DLG2: variants seen among roughly 807,000 people sequenced by gnomAD.
DLG2 encodes disks large homolog 2.
A neutral mutation model predicts 132.5 loss-of-function variants in DLG2; 45 were observed. That is an observed-to-expected ratio of 0.34 (90% CI 0.27 to 0.44). DLG2 has a LOEUF of 0.44. Ranked by LOEUF, DLG2 falls within the 20% of genes least tolerant of loss-of-function variation. The probability of loss-of-function intolerance (pLI) is 1.00; values close to 1 mark genes in which losing one functional copy is unlikely to be tolerated. For missense variants in DLG2, 1,045 were observed against 1,196.9 expected (o/e 0.87, Z 1.87); for synonymous variants, 424 against 419.6 (o/e 1.01, Z -0.13).
At chr11:83,674,325 T>C (rs1410340942) in intron 18 of DLG2, among the ~76,000 whole-genome samples, 5 of 152,194 alleles carry the variant, frequency 3.3e-5, no homozygotes. Flanking sequence ...ATATTAGTGC[T>C]GGCATCTTTG....
At chr11:85,531,017 AT>A (rs556196473) in intron 3 of DLG2, among the ~76,000 whole-genome samples, 204 of 152,346 alleles carry the variant, frequency 1.3e-3, no homozygotes, top group Non-Finnish European at 2.1e-3. Flanking sequence ...ATAAAATAAA[AT>A]TTTAAAATTA....
intron 6 of DLG2, among the ~76,000 whole-genome samples, chr11:84,844,475 A>T (rs1463896016): frequency 6.6e-6 from 1 of 151,766 alleles, no homozygotes. Context: ...ATCTTCAAGT[A>T]CCTGTATTCT....
intron 12 of DLG2, among the ~76,000 whole-genome samples, chr11:83,977,109 A>G (rs2092330367): frequency 6.6e-6 from 1 of 151,996 alleles, no homozygotes; most frequent in South Asian, 2.1e-4. Context: ...TTAATTAGCT[A>G]CATATTTTGA....
In DLG2 at chr11:84,291,337, T is replaced by C. The variant is rs138768722; in HGVS notation, c.520-40046A>G. On this transcript the variant is annotated intron_variant, in intron 7 of 27. Transcript: ENST00000376104. Reference sequence around the variant, plus strand: ...AAAAAAGAATATTGCCAAGTTAGACTAAATGGGCAATGCGCAAATCCTAAC... The same window carrying C: ...AAAAAAGAATATTGCCAAGTTAGACCAAATGGGCAATGCGCAAATCCTAAC... Among the ~76,000 whole-genome samples, 1,062 of 152,266 alleles carry C rather than the reference T, an allele frequency of 7.0e-3. 3 individuals are homozygous for C. Among genetic ancestry groups the C allele is most frequent in the Admixed American group, 0.01 (157 of 15,278 alleles).
intron 7 of DLG2, among the ~76,000 whole-genome samples, chr11:84,375,643 G>A (rs1378424541): frequency 1.3e-5 from 2 of 151,692 alleles, no homozygotes; most frequent in East Asian, 3.9e-4. Context: ...TAACCTAAAG[G>A]TTGCCTTTGG....
chr11:83,815,258 T>C (rs2048525725), intron 17 of DLG2: 1 of 152,338 alleles, frequency 6.6e-6, no homozygotes, highest in Non-Finnish European at 1.5e-5. Context: ...TAAGATCCAT[T>C]GTCTCACACC....
intron 4 of DLG2, among the ~76,000 whole-genome samples, chr11:85,232,725 C>T (rs1483722372): frequency 6.6e-6 from 1 of 151,930 alleles, no homozygotes; most frequent in Non-Finnish European, 1.5e-5. Context: ...CTGTTCTACT[C>T]TAAAGCATAC....
chr11:84,074,387 C>T (rs2096795895), intron 10 of DLG2, among the ~76,000 whole-genome samples: 2 of 152,118 alleles, frequency 1.3e-5, no homozygotes, highest in Non-Finnish European at 2.9e-5. Flanking sequence ...AATATCTATC[C>T]CAGTCCATCA....
chr11:84,813,181 C>CAT (rs2076751855), intron 6 of DLG2, among the ~76,000 whole-genome samples: 1 of 152,036 alleles, frequency 6.6e-6, no homozygotes, highest in African/African-American at 2.4e-5. Context: ...TACATACACA[C>CAT]ACACACACAC....
At chr11:83,681,215 A>T (rs1021576299) in intron 18 of DLG2, among the ~76,000 whole-genome samples, 1 of 152,184 alleles carries the variant, frequency 6.6e-6, no homozygotes, top group African/African-American at 2.4e-5. Context: ...TGAGATTTGG[A>T]CAGAGGCAAA....
At chr11:83,801,063 G>A (rs1391981678) in intron 17 of DLG2, among the ~76,000 whole-genome samples, 3 of 152,114 alleles carry the variant, frequency 2.0e-5, no homozygotes, top group African/African-American at 7.2e-5. Context: ...TTTCTCGAGA[G>A]TTTTCTCATT....
Position 83,518,327 on chromosome 11 carries a change from G to A in DLG2, c.2193+14381C>T, listed in dbSNP as rs1229061495. ...GCGTAGAACCCTCCAAGCCAGGCGCGGGATATAATCTCCTGGTGTGACGTT... is the reference window on the plus strand; with the variant it reads ...GCGTAGAACCCTCCAAGCCAGGCGCAGGATATAATCTCCTGGTGTGACGTT... On this transcript the variant is annotated intron_variant, in intron 21 of 27. Coordinates refer to ENST00000376104, the MANE Select transcript of DLG2 (RefSeq NM_001142699.3). Among the ~76,000 whole-genome samples the A allele has an allele frequency of 1.1e-4, 16 of 152,214 alleles. 1 individual carries two copies. The highest frequency in any genetic ancestry group is 2.1e-4 in the South Asian group (1 of 4,832).
intron 15 of DLG2, among the ~76,000 whole-genome samples, chr11:83,900,220 C>T (rs983632283): frequency 6.6e-6 from 1 of 152,044 alleles, no homozygotes; most frequent in Non-Finnish European, 1.5e-5. Flanking sequence ...ATAAGGGAAG[C>T]AGAGCATAAA....
At chr11:84,317,106 C>G in intron 7 of DLG2, 2 of 1,612,824 alleles carry the variant, frequency 1.2e-6, no homozygotes, top group Non-Finnish European at 1.7e-6. Flanking sequence ...CCATCGGACC[C>G]CCGGCTGCAG....
chr11:85,039,717 C>A (rs2061688968), intron 6 of DLG2, among the ~76,000 whole-genome samples: 1 of 151,744 alleles, frequency 6.6e-6, no homozygotes, highest in Non-Finnish European at 1.5e-5. Context: ...AAAAAAAGTA[C>A]AAATTTGTGG....
At chr11:84,292,928 T>A (rs544162142) in intron 7 of DLG2, among the ~76,000 whole-genome samples, 53 of 151,890 alleles carry the variant, frequency 3.5e-4, no homozygotes, top group African/African-American at 1.3e-3. Flanking sequence ...CAAAAAAAAA[T>A]TGCAAAAAAT....
At chr11:83,489,186 A>C (rs754321079) in intron 21 of DLG2, among the ~76,000 whole-genome samples, 1 of 151,950 alleles carries the variant, frequency 6.6e-6, no homozygotes, top group Admixed American at 6.6e-5. Context: ...CTCCCAAAAC[A>C]AAACTCCCTC....
At chr11:85,575,170 T>C (rs2078078974) in intron 3 of DLG2, among the ~76,000 whole-genome samples, 1 of 151,840 alleles carries the variant, frequency 6.6e-6, no homozygotes, top group Non-Finnish European at 1.5e-5. Flanking sequence ...AAAAAATCTT[T>C]ATAATGGCCA....
intron 19 of DLG2, 40 bp downstream of exon 19, chr11:83,633,171 T>A: frequency 6.3e-7 from 1 of 1,583,542 alleles, no homozygotes; most frequent in South Asian, 1.1e-5. Context: ...CAAGTTGAAT[T>A]GCTCACAAAG....
Sources: allele counts gnomAD v4.1 joint callset (sites outside exome capture counted in the v4.1 genomes callset), GRCh38; gene constraint gnomAD v4.1.1; transcripts MANE v1.5; gene names NCBI Gene and HGNC (gene_info 2026-07-23, HGNC 2026-07-21).